Variants in WDR11 observed in about 807,000 individuals in gnomAD.
The protein encoded by WDR11 is WD repeat-containing protein 11.
Under a neutral mutation model 151.2 loss-of-function variants are expected in WDR11, and 83 were observed. The ratio of observed to expected loss-of-function variants is 0.55; its 90% CI spans 0.46 to 0.66. The LOEUF (loss-of-function observed/expected upper bound fraction) is 0.66, where lower values mean the gene tolerates loss of function less well. Among genes scored for constraint, WDR11 ranks in the 30% least tolerant of loss-of-function variants. WDR11 has a pLI of 0.00. For synonymous variants in WDR11, 484 were observed against 533.1 expected (o/e 0.91, Z 1.27); for missense variants, 1,301 against 1,480.9 (o/e 0.88, Z 1.99).
intron 9 of WDR11, among the ~76,000 whole-genome samples, chr10:120,869,468 T>C (rs1452233644): frequency 6.7e-6 from 1 of 149,768 alleles, no homozygotes; most frequent in African/African-American, 2.5e-5. Flanking sequence ...TTCTTGACAA[T>C]GTAGTTGATT....
intron 11 of WDR11, among the ~76,000 whole-genome samples, chr10:120,874,190 T>TTTTTTTTG (rs796119460): frequency 1.3e-4 from 14 of 105,110 alleles, no homozygotes; most frequent in Admixed American, 1.0e-3. Context: ...TTTTTTTTTT[T>TTTTTTTTG]TTGTTGTTGT....
At chr10:120,860,596 A>T (rs1444704052) in intron 4 of WDR11, among the ~76,000 whole-genome samples, 1 of 152,220 alleles carries the variant, frequency 6.6e-6, no homozygotes, top group Non-Finnish European at 1.5e-5. Context: ...TTCTTCTAAG[A>T]ACATTTAAAT....
intron 19 of WDR11, among the ~76,000 whole-genome samples, chr10:120,894,687 C>T (rs1847542833): frequency 6.6e-6 from 1 of 152,150 alleles, no homozygotes; most frequent in African/African-American, 2.4e-5. Flanking sequence ...GCATTCCTGT[C>T]ATGTAGGTAG....
At chr10:120,870,303 G>A (rs1211067293) in intron 9 of WDR11, among the ~76,000 whole-genome samples, 1 of 152,054 alleles carries the variant, frequency 6.6e-6, no homozygotes, top group Non-Finnish European at 1.5e-5. Flanking sequence ...CTATATACAT[G>A]TTTGTGTTTA....
Position 120,905,685 on chromosome 10 carries a change from A to G in WDR11, c.3292-191A>G, listed in dbSNP as rs1227134200. On this transcript the variant is annotated intron_variant, in intron 26 of 28. Transcript: ENST00000263461. Reference sequence around the variant, plus strand: ...AGCCGAAACTACAGTCCAGAGGTATAGCCAGGCCCTGGGTCCCGTAGGCAC... The same window carrying G: ...AGCCGAAACTACAGTCCAGAGGTATGGCCAGGCCCTGGGTCCCGTAGGCAC... 13 of 1,043,040 alleles carry G rather than the reference A, an allele frequency of 1.2e-5. No homozygotes were observed. In the South Asian group the frequency reaches 1.6e-4, roughly 13 times the overall value. 64.6% of individuals were successfully genotyped at this position (1,043,040 alleles called of 1,614,324 possible).
At chr10:120,894,088 C>T (rs1244000783) in intron 19 of WDR11, among the ~76,000 whole-genome samples, 1 of 151,470 alleles carries the variant, frequency 6.6e-6, no homozygotes, top group Admixed American at 6.6e-5. Context: ...GAAGTCCTTG[C>T]CCATGCCTAT....
chr10:120,853,600 C>T (rs965054721), intron 2 of WDR11, among the ~76,000 whole-genome samples: 2 of 152,088 alleles, frequency 1.3e-5, no homozygotes, highest in East Asian at 3.9e-4. Flanking sequence ...TTGATGTGAC[C>T]ATATTCGCGT....
Position 120,858,787 on chromosome 10 carries a change from C to T in WDR11, c.343C>T (p.Pro115Ser). ...AQCEIQEHAK[P>S]IQDVQWLWNQ... The stretch of plus-strand genomic sequence containing the variant: ...GTGTGAGATCCAAGAGCATGCCAAG[C>T]CTATCCAGGGTGAGGAAAGTCTGCT... Residue 115 changes from proline (P) to serine (S), a missense_variant, in exon 3 of 29, where the codon CCT becomes TCT. Pro to Ser is a moderately conservative substitution (Grantham distance 74). This residue lies in a region of WDR11 where 692 missense variants were observed against 762.5 expected (regional missense o/e 0.91). Coordinates refer to ENST00000263461, the MANE Select transcript of WDR11 (RefSeq NM_018117.12). 6.2e-7 allele frequency: 1 copy of T among 1,614,144 alleles called. No homozygotes were observed. Among genetic ancestry groups the T allele is most frequent in the Non-Finnish European group, 8.5e-7 (1 of 1,180,022 alleles).
At chr10:120,882,396 G>A (rs1045896056) in intron 13 of WDR11, among the ~76,000 whole-genome samples, 4 of 151,772 alleles carry the variant, frequency 2.6e-5, no homozygotes, top group Admixed American at 1.3e-4. Context: ...CTTGCAGAAC[G>A]TGTTGTAAAG....
chr10:120,891,689 T>TC (rs1847434578), intron 19 of WDR11, among the ~76,000 whole-genome samples: 1 of 152,200 alleles, frequency 6.6e-6, no homozygotes, highest in Non-Finnish European at 1.5e-5. Context: ...GTAGAGTCAA[T>TC]ATTTGGCACT....
intron 17 of WDR11, chr10:120,889,399 G>A (rs1264765413): frequency 2.8e-5 from 14 of 495,242 alleles, no homozygotes; most frequent in Middle Eastern, 1.2e-3. Flanking sequence ...CACCACGCCC[G>A]GCTAATTTTT....
At chr10:120,904,954 T>A in intron 25 of WDR11, 143 bp downstream of exon 25, 1 of 963,406 alleles carries the variant, frequency 1.0e-6, no homozygotes, top group Non-Finnish European at 1.6e-6. Context: ...ATAAATCAGA[T>A]GAATATAATT....
intron 7 of WDR11, 53 bp from the exon 8 acceptor site, chr10:120,866,516 G>A: frequency 1.3e-6 from 2 of 1,596,634 alleles, no homozygotes; most frequent in Non-Finnish European, 1.7e-6. Context: ...GAAACAAACA[G>A]TAGTGGTATC....
chr10:120,871,299 C>T lies in WDR11; in HGVS notation c.1424C>T (p.Pro475Leu), dbSNP rs1244281457. Residue 475 changes from proline to leucine, a missense_variant, in exon 10 of 29, where the codon CCG (proline) becomes CTG (leucine). Physicochemically the swap from Pro to Leu is moderately conservative, Grantham distance 98. Around this residue, in one of 3 missense-constraint regions of WDR11, gnomAD observed 692 missense variants for 762.5 expected, o/e 0.91. Transcript: ENST00000263461. ...APQFAIRMCP[P>L]LTTKNIKMYQ... Reference sequence around the variant, plus strand: ...CAGTTTGCTATTCGTATGTGTCCACCGTTGACCACAAAAAACATCAAGATG... The same window carrying T: ...CAGTTTGCTATTCGTATGTGTCCACTGTTGACCACAAAAAACATCAAGATG... 5 of 1,613,864 alleles carry T rather than the reference C, an allele frequency of 3.1e-6. No individual in the cohort carries two copies. Among genetic ancestry groups the T allele is most frequent in the South Asian group, 1.1e-5 (1 of 91,064 alleles).
At chr10:120,856,977 C>T (rs1349077809) in intron 2 of WDR11, among the ~76,000 whole-genome samples, 1 of 152,086 alleles carries the variant, frequency 6.6e-6, no homozygotes, top group East Asian at 1.9e-4. Flanking sequence ...AATAGATAAC[C>T]TTGCTTTATA....
intron 19 of WDR11, among the ~76,000 whole-genome samples, chr10:120,898,519 A>C (rs1847694423): frequency 6.6e-6 from 1 of 152,174 alleles, no homozygotes; most frequent in Non-Finnish European, 1.5e-5. Flanking sequence ...GTTGATGTGG[A>C]TCACTGATAC....
chr10:120,890,337 C>G (rs566950380), intron 18 of WDR11, among the ~76,000 whole-genome samples: 1 of 152,160 alleles, frequency 6.6e-6, no homozygotes, highest in Non-Finnish European at 1.5e-5. Flanking sequence ...CTCAGCCTCC[C>G]TAGTAGCTGG....
At chr10:120,851,652 G>C in intron 1 of WDR11, 146 bp downstream of exon 1, 1 of 935,136 alleles carries the variant, frequency 1.1e-6, no homozygotes, top group Non-Finnish European at 1.6e-6. Context: ...CTTTCAGTTG[G>C]TGGATTTTTG....
rs772647806 is a variant in WDR11 at position 120,904,744 on chromosome 10, G to C, written c.3126G>C (p.Ser1042=). ...CCTGTTTAGTCACTACTGTCACCTC[G>C]TCAGGCCCCTCTCAGAGCACCATTA... ...LKACLVTTVT[S]SGPSQSTIKL... The change falls in exon 25 of 29, where the codon TCG becomes TCC. Residue 1042 remains serine (S), a synonymous_variant. Transcript: ENST00000263461. 5 of 1,614,110 alleles carry C rather than the reference G, an allele frequency of 3.1e-6. No individual in the cohort carries two copies. The South Asian group carries it at 5.5e-5, about 18-fold the overall frequency.
Sources: allele counts gnomAD v4.1 joint callset (sites outside exome capture counted in the v4.1 genomes callset), GRCh38; gene constraint gnomAD v4.1.1; regional missense constraint gnomAD v4.1.1; transcripts MANE v1.5; gene names NCBI Gene and HGNC (gene_info 2026-07-23, HGNC 2026-07-21).